NUBPL: variants seen among roughly 807,000 people sequenced by gnomAD.
NUBPL encodes iron-sulfur cluster transfer protein NUBPL.
In NUBPL, 31 loss-of-function variants were observed where a neutral mutation model predicts 45.7. The observed-to-expected ratio is 0.68, with a 90% CI of 0.51 to 0.92. NUBPL has a LOEUF of 0.92. Among genes scored for constraint, NUBPL ranks in the 40% least tolerant of loss-of-function variants. The probability of loss-of-function intolerance (pLI) is 0.00; values close to 1 mark genes in which losing one functional copy is unlikely to be tolerated. For synonymous variants in NUBPL, 144 were observed against 140.9 expected (o/e 1.02, Z -0.15); for missense variants, 401 against 398.7 (o/e 1.01, Z -0.05).
At chr14:31,592,748 G>A (rs946347954) in intron 3 of NUBPL, among the ~76,000 whole-genome samples, 12 of 152,026 alleles carry the variant, frequency 7.9e-5, no homozygotes, top group South Asian at 2.1e-4. Context: ...CTATATTTCT[G>A]TTTTTCACAT....
At chr14:31,681,135 G>A (rs1221180422) in intron 6 of NUBPL, among the ~76,000 whole-genome samples, 1 of 151,952 alleles carries the variant, frequency 6.6e-6, no homozygotes, top group Non-Finnish European at 1.5e-5. Context: ...AAATTTATTA[G>A]CTTTGGTTTA....
intron 4 of NUBPL, among the ~76,000 whole-genome samples, chr14:31,641,183 C>A (rs1315469397): frequency 6.6e-6 from 1 of 152,182 alleles, no homozygotes; most frequent in South Asian, 2.1e-4. Flanking sequence ...ATCTCTTGAC[C>A]TTGTGATCCT....
chr14:31,601,168 A>T (rs1358182933), intron 4 of NUBPL, among the ~76,000 whole-genome samples: 1 of 152,172 alleles, frequency 6.6e-6, no homozygotes, highest in Non-Finnish European at 1.5e-5. Context: ...CTTGCAGTAT[A>T]GTTTGAAGTC....
At chr14:31,731,024 A>AT (rs2038038028) in intron 6 of NUBPL, among the ~76,000 whole-genome samples, 1 of 152,248 alleles carries the variant, frequency 6.6e-6, no homozygotes, top group African/African-American at 2.4e-5. Context: ...ATTGTTAGAC[A>AT]TAGACTATAA....
intron 3 of NUBPL, among the ~76,000 whole-genome samples, chr14:31,596,652 C>A (rs939401344): frequency 1.3e-5 from 2 of 152,146 alleles, no homozygotes; most frequent in African/African-American, 2.4e-5. Context: ...TAAGTGTGCT[C>A]TGTATCTAAG....
intron 4 of NUBPL, among the ~76,000 whole-genome samples, chr14:31,635,796 G>A (rs948755323): frequency 1.5e-4 from 22 of 151,656 alleles, no homozygotes; most frequent in African/African-American, 4.6e-4. Flanking sequence ...TCCTTGAAGA[G>A]GTCCTTCACA....
chr14:31,819,847 C>G (rs2039984520), intron 7 of NUBPL, among the ~76,000 whole-genome samples: 1 of 152,016 alleles, frequency 6.6e-6, no homozygotes, highest in Non-Finnish European at 1.5e-5. Flanking sequence ...AGAAAATGGA[C>G]AGAGAATTCT....
chr14:31,602,819 T>C (rs1453716494), intron 4 of NUBPL, among the ~76,000 whole-genome samples: 6 of 152,188 alleles, frequency 3.9e-5, no homozygotes, highest in Non-Finnish European at 8.8e-5. Context: ...AGATGAAAAT[T>C]ATTTTCTCTG....
At chr14:31,834,440 A>C (rs924035210) in intron 8 of NUBPL, among the ~76,000 whole-genome samples, 3 of 152,040 alleles carry the variant, frequency 2.0e-5, no homozygotes, top group Non-Finnish European at 4.4e-5. Flanking sequence ...TGGCCTCCCA[A>C]AGTGCTGGGA....
chr14:31,848,017 A>T (rs1349661962), intron 9 of NUBPL, among the ~76,000 whole-genome samples: 1 of 152,240 alleles, frequency 6.6e-6, no homozygotes, highest in Non-Finnish European at 1.5e-5. Context: ...CTTACAAATG[A>T]GCTGAACAAT....
intron 4 of NUBPL, among the ~76,000 whole-genome samples, chr14:31,606,140 C>T (rs2034593569): frequency 7.0e-6 from 1 of 142,014 alleles, no homozygotes; most frequent in Non-Finnish European, 1.5e-5. Flanking sequence ...GTTGCCCAGG[C>T]TGGAGTAAAG....
chr14:31,665,039 A>G (rs1167002832), intron 4 of NUBPL, among the ~76,000 whole-genome samples: 1 of 152,078 alleles, frequency 6.6e-6, no homozygotes, highest in African/African-American at 2.4e-5. Context: ...CTCTGATGGT[A>G]TTCTGTATTT....
At chr14:31,803,815 G>A (rs1328300202) in intron 7 of NUBPL, among the ~76,000 whole-genome samples, 2 of 152,052 alleles carry the variant, frequency 1.3e-5, no homozygotes, top group Admixed American at 6.6e-5. Flanking sequence ...AGACATTCCT[G>A]GAAATTCAGT....
intron 4 of NUBPL, among the ~76,000 whole-genome samples, chr14:31,652,307 G>A (rs182036081): frequency 1.3e-5 from 2 of 152,258 alleles, no homozygotes; most frequent in Non-Finnish European, 2.9e-5. Flanking sequence ...GGGAGAATGG[G>A]GAGATATTGG....
intron 6 of NUBPL, among the ~76,000 whole-genome samples, chr14:31,696,013 T>G (rs1560425): frequency 1 from 151,709 of 152,370 alleles, 75,529 homozygotes; most frequent in Middle Eastern, 1. Context: ...GAAAGCAATA[T>G]AAATAAAGTA....
intron 7 of NUBPL, among the ~76,000 whole-genome samples, chr14:31,803,251 A>G (rs2039625750): frequency 6.6e-6 from 1 of 152,252 alleles, no homozygotes; most frequent in Admixed American, 6.5e-5. Flanking sequence ...CAAAAGGAAC[A>G]TAGTAATTTC....
chr14:31,799,155 G>T (rs535764782), intron 7 of NUBPL, among the ~76,000 whole-genome samples: 9 of 152,206 alleles, frequency 5.9e-5, no homozygotes, highest in Admixed American at 5.2e-4. Flanking sequence ...TGTAGAGGCA[G>T]ACCTGTCCAT....
At chr14:31,754,278 C>A (rs1325354085) in intron 6 of NUBPL, among the ~76,000 whole-genome samples, 3 of 152,158 alleles carry the variant, frequency 2.0e-5, no homozygotes, top group African/African-American at 7.2e-5. Flanking sequence ...TTATCACCGA[C>A]TTCTAATATC....
intron 3 of NUBPL, among the ~76,000 whole-genome samples, chr14:31,594,861 A>G (rs1452526760): frequency 1.3e-5 from 2 of 152,350 alleles, no homozygotes; most frequent in East Asian, 3.9e-4. Flanking sequence ...CCGAGATTAA[A>G]CTGAATATAA....
Sources: gnomAD v4.1 joint callset for allele counts (sites outside exome capture counted in the v4.1 genomes callset) on GRCh38, gnomAD v4.1.1 for gene constraint, MANE v1.5 for transcripts, NCBI Gene and HGNC (gene_info 2026-07-23, HGNC 2026-07-21) for gene names.